PTRH1: variants seen among roughly 807,000 people sequenced by gnomAD.
PTRH1 encodes peptidyl-tRNA hydrolase 1 homolog, also known as peptidyl-tRNA hydrolase.
A neutral mutation model predicts 15.7 loss-of-function variants in PTRH1; 13 were observed. The observed-to-expected ratio is 0.83, with a 90% CI of 0.54 to 1.31. PTRH1 has a LOEUF of 1.31. Among genes scored for constraint, PTRH1 ranks in the 40% most tolerant of loss-of-function variants. The pLI is 0.00. For synonymous variants in PTRH1, 139 were observed against 136.7 expected, an observed-to-expected ratio of 1.02 and a Z score of -0.12; for missense variants, 319 against 296.2, an observed-to-expected ratio of 1.08 and a Z score of -0.56.
intron 1 of PTRH1, among the ~76,000 whole-genome samples, chr9:127,704,560 A>T (rs1481637184): frequency 6.6e-6 from 1 of 151,902 alleles, no homozygotes; most frequent in African/African-American, 2.4e-5. Flanking sequence ...AGCCGTTGGA[A>T]CCCCAAAACC....
chr9:127,713,312 T>G, downstream of PTRH1: 1 of 871,672 alleles, frequency 1.1e-6, no homozygotes, highest in Non-Finnish European at 1.7e-6. Flanking sequence ...TGTAACCAGA[T>G]CTCTCTGAGC....
downstream of PTRH1, chr9:127,712,060 A>G: frequency 1.1e-5 from 16 of 1,500,724 alleles, no homozygotes; most frequent in Non-Finnish European, 1.3e-5. Flanking sequence ...TCTCTAGAGG[A>G]GCCTGCCAGA....
In PTRH1 at chr9:127,715,318, CGAA is replaced by C. The variant is rs1564371323; in HGVS notation, c.97-127_97-125del. The C allele has an allele frequency of 1.5e-6, 2 of 1,307,056 alleles. No homozygotes were observed. Among genetic ancestry groups the C allele is most frequent in the South Asian group, 1.3e-5 (1 of 79,336 alleles). The allele number at this position is 1,307,056 out of a possible 1,614,324, so 81.0% of individuals were successfully genotyped here. A position where few individuals can be genotyped will look rare whatever the true frequency, so the allele number is the denominator to read the frequency against. ...GCAACGCTGCAGTGGGGAAGGGGCGCGAAGAAGGGGCCCAGAAACCCGACCCCT... is the reference window on the plus strand; with the variant it reads ...GCAACGCTGCAGTGGGGAAGGGGCGCGAAGGGGCCCAGAAACCCGACCCCT... On this transcript the variant is annotated intron_variant, in intron 1 of 4. Coordinates refer to ENST00000543175, the MANE Select transcript of PTRH1 (RefSeq NM_001002913.3). The surrounding 1 kb of genome is among the most constrained non-coding windows in gnomAD (Gnocchi z 5.8).
chr9:127,712,984 C>A, downstream of PTRH1: 1 of 1,605,740 alleles, frequency 6.2e-7, no homozygotes, highest in Non-Finnish European at 8.5e-7. Context: ...ACCTGGCTCG[C>A]CGAAGGCTCT....
downstream of PTRH1, chr9:127,711,197 C>A (rs987328272): frequency 6.2e-7 from 1 of 1,607,116 alleles, no homozygotes; most frequent in Non-Finnish European, 8.5e-7. Flanking sequence ...CCCGCTCTGT[C>A]TGACCCCTTC....
rs2036682962 is a variant in PTRH1 at position 127,705,631 on chromosome 9, G to A, written c.205+9804C>T. ...AAGAGAATAGAAATGGGGGAGGCAC[G>A]GGGAGGCCCCCGGTCAACTGGGAGC... On this transcript the variant is annotated intron_variant, in intron 1 of 2. Coordinates refer to the PTRH1 transcript ENST00000335223. This position sits in a 1 kb window ranked among gnomAD's most constrained non-coding sequence, Gnocchi z 4.7. Among the ~76,000 whole-genome samples, 1 of 152,264 alleles carries A rather than the reference G, an allele frequency of 6.6e-6. No individual in the cohort carries two copies. The highest frequency in any genetic ancestry group is 2.1e-4 in the South Asian group (1 of 4,836).
chr9:127,715,079 T>C lies in PTRH1; in HGVS notation c.212A>G (p.His71Arg). Reference protein sequence around the residue: ...GVAESWTRDRHCAADLALAPL... With the variant: ...GVAESWTRDRRCAADLALAPL... ...GGCCAGGGCGAGGTCGGCGGCACAG[T>C]GCCGGTCGCGCGTCCAACTCTCCGC... The change falls in exon 2 of 5, where the codon CAC becomes CGC. Residue 71 changes from histidine (H) to arginine (R), a missense_variant. Physicochemically the swap from His to Arg is conservative, Grantham distance 29. Coordinates refer to ENST00000543175, the MANE Select transcript of PTRH1 (RefSeq NM_001002913.3). The surrounding 1 kb of genome is among the most constrained non-coding windows in gnomAD (Gnocchi z 5.8). 6.5e-7 allele frequency: 1 copy of C among 1,531,708 alleles called. No individual in the cohort carries two copies. The highest frequency in any genetic ancestry group is 8.7e-7 in the Non-Finnish European group (1 of 1,145,118). The allele number at this position is 1,531,708 out of a possible 1,614,324, so 94.9% of individuals were successfully genotyped here.
chr9:127,697,228 AAAG>A (rs1189833983), intron 1 of PTRH1, among the ~76,000 whole-genome samples: 10 of 152,324 alleles, frequency 6.6e-5, no homozygotes, highest in African/African-American at 2.4e-4. Flanking sequence ...ACCAAGCACT[AAAG>A]AAGACATTCT....
downstream of PTRH1, chr9:127,711,642 G>C (rs1842767449): frequency 4.1e-6 from 5 of 1,209,400 alleles, no homozygotes; most frequent in Non-Finnish European, 5.7e-6. Flanking sequence ...GGGGGCTGCA[G>C]GGTGCTGGGC....
At chr9:127,700,476 C>G (rs546423519) in intron 1 of PTRH1, among the ~76,000 whole-genome samples, 1 of 152,212 alleles carries the variant, frequency 6.6e-6, no homozygotes, top group East Asian at 1.9e-4. Flanking sequence ...GCTAAGGAAC[C>G]CCAGAAAAAC....
downstream of PTRH1, chr9:127,712,027 C>G (rs377034913): frequency 3.9e-6 from 6 of 1,529,440 alleles, 1 homozygote; most frequent in Middle Eastern, 9.4e-4. Flanking sequence ...TCCGATCCCA[C>G]GACCCAGGCC....
chr9:127,711,458 CAGA>C (rs1456079367), downstream of PTRH1: 6 of 1,614,016 alleles, frequency 3.7e-6, no homozygotes, highest in South Asian at 2.2e-5. Context: ...GGAGAACACC[CAGA>C]AGGTCATGGC....
In PTRH1 at chr9:127,715,069, G is replaced by A. The variant is rs112526814; in HGVS notation, c.222C>T (p.Ala74=). ...CCCCCAGCGGGGCCAGGGCGAGGTC[G>A]GCGGCACAGTGCCGGTCGCGCGTCC... ...ESWTRDRHCA[A]DLALAPLGDA... The change falls in exon 2 of 5, where the codon GCC becomes GCT. Residue 74 remains alanine, a synonymous_variant. Coordinates refer to ENST00000543175, the MANE Select transcript of PTRH1 (RefSeq NM_001002913.3). This position sits in a 1 kb window ranked among gnomAD's most constrained non-coding sequence, Gnocchi z 5.8. The A allele has an allele frequency of 3.5e-5, 54 of 1,528,768 alleles. 1 individual carries two copies. In the African/African-American group the frequency reaches 4.9e-4, roughly 14 times the overall value. The allele number at this position is 1,528,768 out of a possible 1,614,324, so 94.7% of individuals were successfully genotyped here.
Position 127,705,888 on chromosome 9 carries a change from G to A in PTRH1, c.205+9547C>T, listed in dbSNP as rs542314005. Among the ~76,000 whole-genome samples the A allele has an allele frequency of 6.6e-6, 1 of 152,340 alleles. No individual in the cohort carries two copies. The highest frequency in any genetic ancestry group is 2.4e-5 in the African/African-American group (1 of 41,590). On this transcript the variant is annotated intron_variant, in intron 1 of 2. Transcript: ENST00000335223. The surrounding 1 kb of genome is among the most constrained non-coding windows in gnomAD (Gnocchi z 4.7). Reference sequence around the variant, plus strand: ...TCTCTTCCCTCTGCCAGTCACATTTGTGCCCTCCCAGGGCTGCCCTGCCTG... The same window carrying A: ...TCTCTTCCCTCTGCCAGTCACATTTATGCCCTCCCAGGGCTGCCCTGCCTG...
chr9:127,707,808 G>A lies in PTRH1; in HGVS notation c.205+7627C>T, dbSNP rs117974917. 2.2e-4 allele frequency among the ~76,000 whole-genome samples: 33 copies of A among 152,276 alleles called. 1 individual carries two copies. In the East Asian group the frequency reaches 5.0e-3, roughly 23 times the overall value. On this transcript the variant is annotated intron_variant, in intron 1 of 2. Coordinates refer to the PTRH1 transcript ENST00000335223. ...TTATGTTACAACCAGTTTCCTCCCC[G>A]TTGTGAGGCACCGCCCCAGTCTCAG...
chr9:127,711,202 C>T, downstream of PTRH1: 1 of 1,609,036 alleles, frequency 6.2e-7, no homozygotes, highest in Non-Finnish European at 8.5e-7. Flanking sequence ...TCTGTCTGAC[C>T]CCTTCCCCTC....
downstream of PTRH1, among the ~76,000 whole-genome samples, chr9:127,710,384 A>C (rs908758700): frequency 6.6e-6 from 1 of 152,092 alleles, no homozygotes; most frequent in Admixed American, 6.5e-5. Flanking sequence ...ACAAAACTTC[A>C]TAAGATTCAT....
chr9:127,703,920 G>A (rs1842622665), intron 1 of PTRH1, among the ~76,000 whole-genome samples: 1 of 152,014 alleles, frequency 6.6e-6, no homozygotes. Context: ...CCTGCTTGCA[G>A]TAGAGATTCT....
chr9:127,710,525 G>A (rs1378581730), downstream of PTRH1: 33 of 1,518,362 alleles, frequency 2.2e-5, no homozygotes, highest in South Asian at 3.8e-4. Flanking sequence ...GGACCTAAGG[G>A]GCATCTTTAA....
Sources: allele counts gnomAD v4.1 joint callset (sites outside exome capture counted in the v4.1 genomes callset), GRCh38; gene constraint gnomAD v4.1.1; non-coding constraint Gnocchi (gnomAD v3.1); transcripts MANE v1.5; gene names NCBI Gene and HGNC (gene_info 2026-07-23, HGNC 2026-07-21).